Variants in SGK1 observed in about 807,000 individuals in gnomAD.
SGK1 encodes the protein serum/glucocorticoid regulated kinase 1.
SGK1 carries 26 observed loss-of-function variants against 64.2 expected under a neutral mutation model. The observed-to-expected ratio is 0.40, with a 90% CI of 0.30 to 0.56. SGK1 has a LOEUF of 0.56. Ranked by LOEUF, SGK1 falls within the 20% of genes least tolerant of loss-of-function variation. The pLI is 0.38. For synonymous variants in SGK1, 265 were observed against 239.7 expected (o/e 1.11, Z -0.98); for missense variants, 519 against 645.6 (o/e 0.80, Z 2.12).
At chr6:134,222,029 C>T (rs753074646) in intron 2 of SGK1, among the ~76,000 whole-genome samples, 4 of 152,152 alleles carry the variant, frequency 2.6e-5, no homozygotes, top group Non-Finnish European at 5.9e-5. Context: ...ACTTGAGCTA[C>T]TAGAATTAAA....
intron 2 of SGK1, among the ~76,000 whole-genome samples, chr6:134,212,534 G>A (rs1775908910): frequency 6.6e-6 from 1 of 151,932 alleles, no homozygotes; most frequent in Non-Finnish European, 1.5e-5. Flanking sequence ...TTTTACTGAG[G>A]TCACTCTGCC....
In SGK1 at chr6:134,229,486, T is replaced by C. The variant is rs150282121; in HGVS notation, c.286-22055A>G. ...CTCCATAACCACACAAACGTGACAA[T>C]TCCATTTAGATTGGTCACATGTGCT... On this transcript the variant is annotated intron_variant, in intron 2 of 13. Coordinates refer to ENST00000367858, the MANE Select transcript of SGK1 (RefSeq NM_001143676.3). Among the ~76,000 whole-genome samples the C allele has an allele frequency of 2.6e-5, 4 of 152,356 alleles. No homozygotes were observed. In the East Asian group the frequency reaches 7.7e-4, roughly 29 times the overall value.
chr6:134,301,097 G>A (rs941091532), intron 1 of SGK1, among the ~76,000 whole-genome samples: 1 of 152,188 alleles, frequency 6.6e-6, no homozygotes, highest in Non-Finnish European at 1.5e-5. Context: ...AAAATCAAGA[G>A]TTGGGTTTTG....
intron 1 of SGK1, among the ~76,000 whole-genome samples, chr6:134,310,732 T>A (rs1360954572): frequency 2.0e-5 from 3 of 152,082 alleles, no homozygotes; most frequent in Non-Finnish European, 4.4e-5. Flanking sequence ...GGATTACAGG[T>A]GCCCACCACC....
chr6:134,185,856 A>T (rs1186865736), intron 3 of SGK1, among the ~76,000 whole-genome samples: 1 of 152,084 alleles, frequency 6.6e-6, no homozygotes, highest in African/African-American at 2.4e-5. Context: ...GGAGAACCTG[A>T]TGTCCGAAGG....
chr6:134,225,910 CAAAAAAACAAAAACA>C (rs1776167779), intron 2 of SGK1, among the ~76,000 whole-genome samples: 2 of 147,800 alleles, frequency 1.4e-5, no homozygotes, highest in African/African-American at 2.5e-5. Context: ...CCATCTCTAC[CAAAAAAACAAAAACA>C]AAAAAAACAA....
intron 1 of SGK1, among the ~76,000 whole-genome samples, chr6:134,302,043 A>G (rs538323551): frequency 2.7e-3 from 418 of 152,332 alleles, no homozygotes; most frequent in Non-Finnish European, 4.6e-3. Context: ...ATTTTAGTGA[A>G]TGGGGAATAA....
At chr6:134,276,486 C>A (rs1435543030) in intron 1 of SGK1, among the ~76,000 whole-genome samples, 3 of 152,168 alleles carry the variant, frequency 2.0e-5, no homozygotes, top group African/African-American at 7.2e-5. Flanking sequence ...AGCCAAAAAG[C>A]TAAGTGGGTC....
At chr6:134,180,417 T>G (rs1017642810) in intron 3 of SGK1, 2 of 152,220 alleles carry the variant, frequency 1.3e-5, no homozygotes, top group African/African-American at 2.4e-5. Context: ...AGGTAAGGAA[T>G]TGTATGTATG....
chr6:134,250,509 A>T (rs1284514891), intron 2 of SGK1, among the ~76,000 whole-genome samples: 1 of 152,186 alleles, frequency 6.6e-6, no homozygotes, highest in Non-Finnish European at 1.5e-5. Context: ...AAATAGAAAG[A>T]TTTATTTATC....
intron 2 of SGK1, among the ~76,000 whole-genome samples, chr6:134,229,847 A>C (rs1776249226): frequency 6.6e-6 from 1 of 152,196 alleles, no homozygotes; most frequent in Admixed American, 6.5e-5. Context: ...AAAATCAGGT[A>C]AAAAGAAAAG....
intron 3 of SGK1, among the ~76,000 whole-genome samples, chr6:134,206,145 C>T (rs115850474): frequency 0.012 from 1,804 of 151,666 alleles, 46 homozygotes; most frequent in African/African-American, 0.041. Context: ...AGTATACATG[C>T]CCTCCCATAA....
chr6:134,225,123 G>T (rs1173324781), intron 2 of SGK1, among the ~76,000 whole-genome samples: 1 of 151,898 alleles, frequency 6.6e-6, no homozygotes, highest in Non-Finnish European at 1.5e-5. Context: ...GCCGAGGCAG[G>T]TGGATCACTT....
chr6:134,221,511 T>C (rs1776090389), intron 2 of SGK1, among the ~76,000 whole-genome samples: 1 of 152,204 alleles, frequency 6.6e-6, no homozygotes, highest in Admixed American at 6.5e-5. Flanking sequence ...CTTGTCATTT[T>C]GTTTAAATGG....
At chr6:134,245,643 C>G (rs1776514897) in intron 2 of SGK1, among the ~76,000 whole-genome samples, 1 of 152,138 alleles carries the variant, frequency 6.6e-6, no homozygotes, top group Non-Finnish European at 1.5e-5. Flanking sequence ...TTATTGAGCC[C>G]AGGATTTTGG....
intron 1 of SGK1, among the ~76,000 whole-genome samples, chr6:134,314,389 A>G (rs1490529166): frequency 6.6e-6 from 1 of 152,184 alleles, no homozygotes; most frequent in Admixed American, 6.5e-5. Context: ...TGTGGAAACT[A>G]AAAGAAAAGA....
At chr6:134,245,075 C>G (rs1016652836) in intron 2 of SGK1, among the ~76,000 whole-genome samples, 12 of 152,230 alleles carry the variant, frequency 7.9e-5, no homozygotes, top group Non-Finnish European at 8.8e-5. Context: ...CATGCCCTGC[C>G]TTAAACAATA....
At chr6:134,210,811 C>CAAA (rs60820086) in intron 2 of SGK1, among the ~76,000 whole-genome samples, 1 of 50,794 alleles carries the variant, frequency 2.0e-5, no homozygotes, top group African/African-American at 6.6e-5. Context: ...GACTCCGTCT[C>CAAA]AAAAAAAAAA....
chr6:134,301,190 G>A (rs10155680), intron 1 of SGK1, among the ~76,000 whole-genome samples: 121 of 152,316 alleles, frequency 7.9e-4, no homozygotes, highest in African/African-American at 2.8e-3. Flanking sequence ...TGGCATTCAG[G>A]CAACTAAGTT....
Sources: allele counts gnomAD v4.1 joint callset (sites outside exome capture counted in the v4.1 genomes callset), GRCh38; gene constraint gnomAD v4.1.1; transcripts MANE v1.5; gene names NCBI Gene and HGNC (gene_info 2026-07-23, HGNC 2026-07-21).